Variants in MYLK observed in about 807,000 individuals in gnomAD.
MYLK encodes myosin light chain kinase, smooth muscle.
MYLK carries 106 observed loss-of-function variants against 203.4 expected under a neutral mutation model. That is an observed-to-expected ratio of 0.52 (90% confidence interval 0.45 to 0.61). The LOEUF is 0.61. Ranked by LOEUF, MYLK falls within the 20% of genes least tolerant of loss-of-function variation. MYLK has a pLI of 0.00. For synonymous variants in MYLK, 867 were observed against 959.5 expected, an observed-to-expected ratio of 0.90 and a Z score of 1.78; for missense variants, 2,072 against 2,442.3, an observed-to-expected ratio of 0.85 and a Z score of 3.20.
rs193102496 is a variant in MYLK at position 123,816,232 on chromosome 3, C to T, written c.-4+15316G>A. Among the ~76,000 whole-genome samples, 32 of 152,370 alleles carry T rather than the reference C, an allele frequency of 2.1e-4. No individual in the cohort carries two copies. In the East Asian group the frequency reaches 5.4e-3, roughly 26 times the overall value. Reference sequence around the variant, plus strand: ...TGCATGCATGGAAGCATGAAGTAGGCGCTGAAGTCAGCCAGCTCTGGCACC... The same window carrying T: ...TGCATGCATGGAAGCATGAAGTAGGTGCTGAAGTCAGCCAGCTCTGGCACC... On this transcript the variant is annotated intron_variant, in intron 3 of 33. Transcript: ENST00000360304.
intron 20 of MYLK, among the ~76,000 whole-genome samples, chr3:123,679,417 C>T (rs1560060648): frequency 6.6e-6 from 1 of 151,982 alleles, no homozygotes; most frequent in Non-Finnish European, 1.5e-5. Context: ...GGGTATCTCT[C>T]AGGCCCCCAG....
intron 23 of MYLK, 135 bp from the exon 24 acceptor site, chr3:123,657,563 C>T (rs2059427694): frequency 1.2e-6 from 1 of 807,008 alleles, no homozygotes; most frequent in Non-Finnish European, 2.0e-6. Context: ...CGTCTCTTTC[C>T]CTCATCCGCA....
chr3:123,741,314 C>T (rs2062849286), intron 5 of MYLK, among the ~76,000 whole-genome samples: 1 of 152,224 alleles, frequency 6.6e-6, no homozygotes, highest in South Asian at 2.1e-4. Context: ...ATAACAAACA[C>T]TGGCATCACA....
chr3:123,864,786 CT>C (rs2032206185), intron 2 of MYLK, among the ~76,000 whole-genome samples: 1 of 152,090 alleles, frequency 6.6e-6, no homozygotes. Flanking sequence ...GTGCCTGTAG[CT>C]CCAGCTACTC....
At chr3:123,795,213 C>G (rs2064941481) in intron 3 of MYLK, among the ~76,000 whole-genome samples, 1 of 152,142 alleles carries the variant, frequency 6.6e-6, no homozygotes, top group Non-Finnish European at 1.5e-5. Context: ...TTCCCTACAA[C>G]TTTTCTTAAA....
chr3:123,800,439 A>G (rs2065155374), intron 3 of MYLK, among the ~76,000 whole-genome samples: 1 of 152,082 alleles, frequency 6.6e-6, no homozygotes, highest in Non-Finnish European at 1.5e-5. Context: ...CTAGAGCAGG[A>G]TGCAAGCCCA....
At chr3:123,770,538 C>T (rs954289940) in intron 4 of MYLK, among the ~76,000 whole-genome samples, 2 of 152,156 alleles carry the variant, frequency 1.3e-5, no homozygotes, top group African/African-American at 2.4e-5. Flanking sequence ...TCCACATGGG[C>T]ATCACTGACA....
chr3:123,780,701 A>G (rs2064263223), intron 4 of MYLK, among the ~76,000 whole-genome samples: 3 of 152,206 alleles, frequency 2.0e-5, no homozygotes, highest in South Asian at 4.1e-4. Flanking sequence ...AAATGACAGC[A>G]CTTTGGCATC....
At chr3:123,741,533 A>C (rs2062855854) in intron 5 of MYLK, among the ~76,000 whole-genome samples, 1 of 152,234 alleles carries the variant, frequency 6.6e-6, no homozygotes, top group East Asian at 1.9e-4. Context: ...CTGGGCCCTC[A>C]GATGCTGCTG....
intron 20 of MYLK, among the ~76,000 whole-genome samples, chr3:123,673,161 CTTTTTTT>C (rs761090869): frequency 8.0e-5 from 11 of 136,962 alleles, no homozygotes; most frequent in African/African-American, 2.3e-4. Flanking sequence ...TTTTTCTTTT[CTTTTTTT>C]TTTTTTTTTT....
chr3:123,757,632 A>C (rs892079597), intron 4 of MYLK, among the ~76,000 whole-genome samples: 5 of 152,232 alleles, frequency 3.3e-5, no homozygotes, highest in South Asian at 2.1e-4. Context: ...AGATATGAGC[A>C]GTGAGCTGAA....
chr3:123,766,624 C>T (rs766887468), intron 4 of MYLK, among the ~76,000 whole-genome samples: 21 of 152,216 alleles, frequency 1.4e-4, no homozygotes, highest in African/African-American at 5.1e-4. Flanking sequence ...CAGCCCTGCC[C>T]GCCTTAGGAG....
At position 123,695,551 on chromosome 3, in the gene MYLK, A is replaced by C. The variant is rs536435181; in HGVS notation, c.3449-2700T>G. On this transcript the variant is annotated intron_variant, in intron 18 of 33. Coordinates refer to ENST00000360304, the MANE Select transcript of MYLK (RefSeq NM_053025.4). ...CTTACTATTGAAAAAGATAATATAT[A>C]GTTTCTGAAAAAAGAAAATTCAGAG... 1.1e-4 allele frequency among the ~76,000 whole-genome samples: 16 copies of C among 152,284 alleles called. No homozygotes were observed. In the South Asian group the frequency reaches 3.3e-3, roughly 32 times the overall value.
intron 4 of MYLK, among the ~76,000 whole-genome samples, chr3:123,791,005 G>T (rs2064758417): frequency 6.6e-6 from 1 of 152,208 alleles, no homozygotes; most frequent in Admixed American, 6.5e-5. Context: ...CTCATAAGAG[G>T]TTCTGCAAGA....
chr3:123,876,005 G>C (rs12330315), intron 2 of MYLK, among the ~76,000 whole-genome samples: 1,877 of 152,126 alleles, frequency 0.012, 44 homozygotes, highest in African/African-American at 0.043. Flanking sequence ...CAAAACCCTG[G>C]TAGACTTTAA....
At chr3:123,774,253 C>T (rs1316559135) in intron 4 of MYLK, among the ~76,000 whole-genome samples, 2 of 152,180 alleles carry the variant, frequency 1.3e-5, no homozygotes, top group Non-Finnish European at 2.9e-5. Context: ...CCTGTCACTT[C>T]TCAGCTCTCC....
In MYLK at chr3:123,730,475, A is replaced by G. The variant is rs551491646; in HGVS notation, c.1516+2421T>C. 6.2e-4 allele frequency among the ~76,000 whole-genome samples: 95 copies of G among 152,364 alleles called. No homozygotes were observed. In the South Asian group the frequency reaches 7.7e-3, roughly 12 times the overall value. ...AATGTGCATAGCAACACTTTTCACC[A>G]TAGCTAAAAAGTAGAAACAACCACA... On this transcript the variant is annotated intron_variant, in intron 11 of 33. Coordinates refer to ENST00000360304, the MANE Select transcript of MYLK (RefSeq NM_053025.4).
At chr3:123,798,806 AC>A (rs1249607017) in intron 3 of MYLK, among the ~76,000 whole-genome samples, 1 of 152,092 alleles carries the variant, frequency 6.6e-6, no homozygotes, top group Non-Finnish European at 1.5e-5. Flanking sequence ...CCATCGCCCC[AC>A]CCACTGCCAT....
chr3:123,708,406 G>A (rs1012619585), intron 15 of MYLK, among the ~76,000 whole-genome samples: 27 of 152,130 alleles, frequency 1.8e-4, no homozygotes, highest in African/African-American at 9.7e-5. Flanking sequence ...AAAATCTATC[G>A]CTGCCAAATT....
Sources: allele counts gnomAD v4.1 joint callset (sites outside exome capture counted in the v4.1 genomes callset), GRCh38; gene constraint gnomAD v4.1.1; transcripts MANE v1.5; gene names NCBI Gene and HGNC (gene_info 2026-07-23, HGNC 2026-07-21).